The following ABHD12 variants were observed in gnomAD, a reference collection of about 807,000 sequenced individuals.
ABHD12 encodes abhydrolase domain containing 12, lysophospholipase, also known as lysophosphatidylserine lipase ABHD12.
Under a neutral mutation model 58.3 loss-of-function variants are expected in ABHD12, and 43 were observed. The ratio of observed to expected loss-of-function variants is 0.74; its 90% CI spans 0.58 to 0.95. The LOEUF is 0.95. ABHD12 is among the 40% of genes least tolerant of loss of function. The pLI is 0.00. For missense variants in ABHD12, 539 were observed against 537.2 expected, an observed-to-expected ratio of 1.00 and a Z score of -0.03; for synonymous variants, 219 against 211.2, an observed-to-expected ratio of 1.04 and a Z score of -0.32.
intron 1 of ABHD12, among the ~76,000 whole-genome samples, chr20:25,359,986 C>T (rs552477852): frequency 2.6e-5 from 4 of 151,918 alleles, no homozygotes; most frequent in Non-Finnish European, 5.9e-5. Context: ...AATTAAGGAC[C>T]ATTTTAAATT....
At chr20:25,371,567 T>C (rs1052921010) in intron 1 of ABHD12, among the ~76,000 whole-genome samples, 1 of 152,230 alleles carries the variant, frequency 6.6e-6, no homozygotes, top group African/African-American at 2.4e-5. Flanking sequence ...TAAAATGTTC[T>C]ATAAAATGGG....
chr20:25,364,094 G>C (rs2089788631), intron 1 of ABHD12, among the ~76,000 whole-genome samples: 1 of 152,140 alleles, frequency 6.6e-6, no homozygotes, highest in Non-Finnish European at 1.5e-5. Context: ...ATCAGGACAG[G>C]TCACAGGCCC....
At chr20:25,324,366 T>G (rs2089137248) in intron 2 of ABHD12, among the ~76,000 whole-genome samples, 1 of 152,136 alleles carries the variant, frequency 6.6e-6, no homozygotes, top group Non-Finnish European at 1.5e-5. Context: ...ATGGGGGCAA[T>G]TTTTTCCTTA....
intron 1 of ABHD12, among the ~76,000 whole-genome samples, chr20:25,352,114 C>T (rs1204374430): frequency 6.6e-6 from 1 of 151,932 alleles, no homozygotes; most frequent in Non-Finnish European, 1.5e-5. Context: ...GCCTCAGCCT[C>T]CCAAGTAGCT....
intron 3 of ABHD12, among the ~76,000 whole-genome samples, chr20:25,322,394 TTTGA>T (rs1345890547): frequency 7.6e-6 from 1 of 132,378 alleles, no homozygotes; most frequent in Non-Finnish European, 1.6e-5. Flanking sequence ...TTTTTTTTTT[TTTGA>T]GACAAGAGTC....
At chr20:25,326,615 G>T (rs1479266152) in intron 2 of ABHD12, among the ~76,000 whole-genome samples, 2 of 152,132 alleles carry the variant, frequency 1.3e-5, no homozygotes, top group African/African-American at 4.8e-5. Context: ...TACTTGTGTT[G>T]CACTTTATGC....
In ABHD12 at chr20:25,338,605, A is replaced by C. The variant is rs1162830140; in HGVS notation, c.316+622T>G. Among the ~76,000 whole-genome samples the C allele has an allele frequency of 2.6e-5, 4 of 152,162 alleles. No homozygotes were observed. The East Asian group carries it at 7.7e-4, about 29-fold the overall frequency. On this transcript the variant is annotated intron_variant, in intron 2 of 12. Coordinates refer to ENST00000339157, the MANE Select transcript of ABHD12 (RefSeq NM_001042472.3). ...AAAAGTAAATACACAGCGTGAAAAAACACACAAGGTCCAAGTTCACTCAAG... is the reference window on the plus strand; with the variant it reads ...AAAAGTAAATACACAGCGTGAAAAACCACACAAGGTCCAAGTTCACTCAAG...
intron 6 of ABHD12, among the ~76,000 whole-genome samples, chr20:25,311,790 C>A (rs574514273): frequency 6.6e-6 from 1 of 152,306 alleles, no homozygotes; most frequent in African/African-American, 2.4e-5. Context: ...CTGCAACCTC[C>A]GCCTCCTGGG....
At chr20:25,311,322 G>C (rs1035253404) in intron 6 of ABHD12, among the ~76,000 whole-genome samples, 1 of 152,196 alleles carries the variant, frequency 6.6e-6, no homozygotes, top group Admixed American at 6.5e-5. Context: ...GTCAGAGCCA[G>C]ATGACCTGGG....
At chr20:25,385,758 C>A (rs1339877513) in intron 1 of ABHD12, among the ~76,000 whole-genome samples, 1 of 151,998 alleles carries the variant, frequency 6.6e-6, no homozygotes, top group Non-Finnish European at 1.5e-5. Flanking sequence ...GAATTTCTAC[C>A]AAATTTTAAA....
At chr20:25,312,544 A>G (rs2088870597) in intron 6 of ABHD12, among the ~76,000 whole-genome samples, 1 of 152,148 alleles carries the variant, frequency 6.6e-6, no homozygotes, top group Non-Finnish European at 1.5e-5. Flanking sequence ...TCCACCTCCC[A>G]GCCGCCTGCT....
chr20:25,336,701 T>C (rs919162736), intron 2 of ABHD12, among the ~76,000 whole-genome samples: 1 of 152,184 alleles, frequency 6.6e-6, no homozygotes, highest in Non-Finnish European at 1.5e-5. Flanking sequence ...AGCTCCATGC[T>C]GCTCCTCTGA....
At chr20:25,302,588 T>C (rs2088657934) in intron 11 of ABHD12, among the ~76,000 whole-genome samples, 1 of 152,114 alleles carries the variant, frequency 6.6e-6, no homozygotes, top group African/African-American at 2.4e-5. Context: ...TAGACTACCC[T>C]TCCTCTGGGG....
chr20:25,297,851 G>C (rs558759648), downstream of ABHD12: 1 of 152,252 alleles, frequency 6.6e-6, no homozygotes, highest in East Asian at 1.9e-4. Context: ...CTGGGCTGTG[G>C]TCGTGCCCTG....
chr20:25,369,754 A>G (rs2089874057), intron 1 of ABHD12, among the ~76,000 whole-genome samples: 1 of 152,150 alleles, frequency 6.6e-6, no homozygotes, highest in Admixed American at 6.6e-5. Context: ...TCACACTGGA[A>G]AAACTTGCTC....
At chr20:25,308,432 G>C (rs772238917) in intron 8 of ABHD12, 25 bp downstream of exon 8, 1 of 1,609,110 alleles carries the variant, frequency 6.2e-7, no homozygotes, top group East Asian at 2.2e-5. Context: ...TCACTGCCAC[G>C]GCTGGGGCCC....
At chr20:25,303,146 G>T (rs1725294271) in intron 11 of ABHD12, 23 of 957,392 alleles carry the variant, frequency 2.4e-5, no homozygotes, top group Admixed American at 4.0e-5. Context: ...CCTGCAATGG[G>T]CTTGGGAGAT....
intron 6 of ABHD12, among the ~76,000 whole-genome samples, chr20:25,312,503 T>C (rs555801263): frequency 1.3e-5 from 2 of 152,294 alleles, no homozygotes; most frequent in African/African-American, 4.8e-5. Flanking sequence ...CAGGCTGGAG[T>C]GCAGTGGCGT....
chr20:25,337,030 G>T (rs1306247595), intron 2 of ABHD12, among the ~76,000 whole-genome samples: 1 of 152,256 alleles, frequency 6.6e-6, no homozygotes, highest in Non-Finnish European at 1.5e-5. Context: ...GGGAGGCCAA[G>T]GCAGGAGGAT....
Sources: allele counts gnomAD v4.1 joint callset (sites outside exome capture counted in the v4.1 genomes callset), GRCh38; gene constraint gnomAD v4.1.1; transcripts MANE v1.5; gene names NCBI Gene and HGNC (gene_info 2026-07-23, HGNC 2026-07-21).